ADAMTS7: variants seen among roughly 807,000 people sequenced by gnomAD.
The protein encoded by ADAMTS7 is A disintegrin and metalloproteinase with thrombospondin motifs 7.
In ADAMTS7, 89 loss-of-function variants were observed where a neutral mutation model predicts 172.6. The ratio of observed to expected loss-of-function variants is 0.52; its 90% confidence interval spans 0.43 to 0.61. ADAMTS7 has a LOEUF of 0.61. Among genes scored for constraint, ADAMTS7 ranks in the 20% least tolerant of loss-of-function variants. The pLI is 0.00. For missense variants in ADAMTS7, 1,973 were observed against 2,355.6 expected, an observed-to-expected ratio of 0.84 and a Z score of 3.36; for synonymous variants, 885 against 978.4, an observed-to-expected ratio of 0.90 and a Z score of 1.78.
chr15:78,784,670 T>A (rs1895672212), intron 8 of ADAMTS7, among the ~76,000 whole-genome samples: 1 of 151,792 alleles, frequency 6.6e-6, no homozygotes, highest in African/African-American at 2.4e-5. Context: ...AAATTTAAAA[T>A]CACCAAAAAG....
intron 1 of ADAMTS7, among the ~76,000 whole-genome samples, chr15:78,809,735 C>A (rs2055840394): frequency 6.6e-6 from 1 of 152,248 alleles, no homozygotes. Flanking sequence ...GGTTCATCCT[C>A]CTCAGCCCCC....
chr15:78,760,857 C>T (rs1327829407), intron 23 of ADAMTS7, among the ~76,000 whole-genome samples: 1 of 152,054 alleles, frequency 6.6e-6, no homozygotes, highest in Non-Finnish European at 1.5e-5. Context: ...CTGCAGCCCA[C>T]TCACACCCGC....
chr15:78,779,156 A>G (rs556561995), intron 8 of ADAMTS7, among the ~76,000 whole-genome samples: 13 of 152,296 alleles, frequency 8.5e-5, no homozygotes, highest in African/African-American at 3.1e-4. Flanking sequence ...TCCTCCTGGA[A>G]TCACTCAGAC....
Position 78,771,337 on chromosome 15 carries a change from G to A in ADAMTS7, c.2377-34C>T, listed in dbSNP as rs778608507. ...GCAGGCGGGGGCCCATGAGCACAAG[G>A]TGTCTTCTCCATCCACCCAGTCCTA... On this transcript the variant is annotated intron_variant, in intron 15 of 23. Transcript: ENST00000388820. The surrounding 1 kb of genome is among the most constrained non-coding windows in gnomAD (Gnocchi z 4.9). 3.1e-5 allele frequency: 50 copies of A among 1,611,362 alleles called. No individual in the cohort carries two copies. Among genetic ancestry groups the A allele is most frequent in the Admixed American group, 3.0e-4 (18 of 59,928 alleles).
chr15:78,787,347 GA>G lies in ADAMTS7; in HGVS notation c.1322+883del, dbSNP rs758238548. Among the ~76,000 whole-genome samples, 36 of 106,520 alleles carry G rather than the reference GA, an allele frequency of 3.4e-4. 1 individual carries two copies. Among genetic ancestry groups the G allele is most frequent in the Non-Finnish European group, 5.6e-4 (31 of 55,666 alleles). The allele number at this position is 106,520 out of a possible 152,430, so 69.9% of individuals were successfully genotyped here. ...ACTTAGAACATTAAATAGCAAATTT[GA>G]AAAAAAAAAAACAAAAAAACACCAG... On this transcript the variant is annotated intron_variant, in intron 8 of 23. Coordinates refer to ENST00000388820, the MANE Select transcript of ADAMTS7 (RefSeq NM_014272.5).
At chr15:78,788,574 C>A (rs2055538200) in intron 7 of ADAMTS7, among the ~76,000 whole-genome samples, 200 bp from the exon 8 acceptor site, 1 of 152,232 alleles carries the variant, frequency 6.6e-6, no homozygotes, top group Admixed American at 6.5e-5. Context: ...GGTATGACAG[C>A]TAGTATCCCA....
chr15:78,768,547 T>C (rs2055197704), intron 16 of ADAMTS7, among the ~76,000 whole-genome samples: 1 of 152,066 alleles, frequency 6.6e-6, no homozygotes, highest in Non-Finnish European at 1.5e-5. Flanking sequence ...CCAGCTGAGA[T>C]GCCTGGGCAG....
chr15:78,809,640 G>T (rs775702146), intron 1 of ADAMTS7, among the ~76,000 whole-genome samples: 1 of 152,124 alleles, frequency 6.6e-6, no homozygotes. Context: ...GAGGTTGACC[G>T]CACCCAACTC....
At chr15:78,760,717 T>C (rs1203124228) in intron 23 of ADAMTS7, among the ~76,000 whole-genome samples, 3 of 152,110 alleles carry the variant, frequency 2.0e-5, no homozygotes, top group Non-Finnish European at 4.4e-5. Flanking sequence ...CAGCAGAACA[T>C]CTGGGAATTC....
At chr15:78,770,629 G>A (rs2055231764) in intron 16 of ADAMTS7, 1 of 133,014 alleles carries the variant, frequency 7.5e-6, no homozygotes. Flanking sequence ...GGAGACCGAG[G>A]GGTATGGGGG....
At chr15:78,794,734 T>C (rs1475296478) in intron 4 of ADAMTS7, among the ~76,000 whole-genome samples, 2 of 152,188 alleles carry the variant, frequency 1.3e-5, no homozygotes, top group Non-Finnish European at 2.9e-5. Flanking sequence ...TTTGTTTTTT[T>C]TGAGATGGAG....
intron 1 of ADAMTS7, among the ~76,000 whole-genome samples, chr15:78,809,194 G>A (rs2055834229): frequency 6.6e-6 from 1 of 152,142 alleles, no homozygotes; most frequent in South Asian, 2.1e-4. Context: ...CAGGTCCCTG[G>A]GTCAGTCACA....
At position 78,798,066 on chromosome 15, in the gene ADAMTS7, C is replaced by A; in HGVS notation, c.504G>T (p.Leu168=). 1 of 1,567,812 alleles carries A rather than the reference C, an allele frequency of 6.4e-7. No individual in the cohort carries two copies. Among genetic ancestry groups the A allele is most frequent in the Non-Finnish European group, 8.6e-7 (1 of 1,164,446 alleles). ...LSNEDYFIEP[L]DSAPARPGHA... The stretch of plus-strand genomic sequence containing the variant: ...GGCCAGGCCGGGCCGGGGCACTGTC[C>A]AGGGGCTCAATGAAGTAGTCCTCGT... The change falls in exon 3 of 24, where the codon CTG becomes CTT. Residue 168 remains leucine, a synonymous_variant. Transcript: ENST00000388820.
intron 4 of ADAMTS7, among the ~76,000 whole-genome samples, chr15:78,793,749 C>T (rs957427344): frequency 2.0e-5 from 3 of 152,218 alleles, no homozygotes; most frequent in African/African-American, 7.2e-5. Flanking sequence ...AAATAAACAT[C>T]TGATCCCGAG....
chr15:78,765,475 C>A (rs2055123798), intron 19 of ADAMTS7, among the ~76,000 whole-genome samples, 170 bp downstream of exon 19: 1 of 152,244 alleles, frequency 6.6e-6, no homozygotes, highest in Admixed American at 6.5e-5. Flanking sequence ...GCCCCCTGTG[C>A]TGCCCAGGAA....
intron 8 of ADAMTS7, among the ~76,000 whole-genome samples, chr15:78,784,146 C>G (rs913872138): frequency 6.6e-6 from 1 of 151,764 alleles, no homozygotes; most frequent in Non-Finnish European, 1.5e-5. Flanking sequence ...AGGGAGGAGT[C>G]CAGAAGTTCA....
intron 8 of ADAMTS7, among the ~76,000 whole-genome samples, chr15:78,787,673 A>T (rs1455420040): frequency 6.6e-6 from 1 of 152,134 alleles, no homozygotes; most frequent in Non-Finnish European, 1.5e-5. Context: ...CAAAAAACAA[A>T]CAAACAACAA....
chr15:78,788,406 G>A lies in ADAMTS7; in HGVS notation c.1179-32C>T, dbSNP rs185799785. The A allele has an allele frequency of 1.2e-5, 20 of 1,606,342 alleles. No homozygotes were observed. The East Asian group carries it at 4.0e-4, about 32-fold the overall frequency. On this transcript the variant is annotated intron_variant, in intron 7 of 23. Transcript: ENST00000388820. ...GAGAGCACAGGCCCCAGGGGCGGGT[G>A]AGCCGGCGGGAGGCTGCCAGCCTGC... is the stretch of plus-strand genomic sequence containing the variant.
chr15:78,768,899 G>A (rs1450475206), intron 16 of ADAMTS7, among the ~76,000 whole-genome samples: 1 of 152,222 alleles, frequency 6.6e-6, no homozygotes, highest in Non-Finnish European at 1.5e-5. Flanking sequence ...ATGAAAGCCC[G>A]ATTCCCTCTG....
Sources: allele counts gnomAD v4.1 joint callset (sites outside exome capture counted in the v4.1 genomes callset), GRCh38; gene constraint gnomAD v4.1.1; non-coding constraint Gnocchi (gnomAD v3.1); transcripts MANE v1.5; gene names NCBI Gene and HGNC (gene_info 2026-07-23, HGNC 2026-07-21).